Variants in CMPK2 observed in about 807,000 individuals in gnomAD.
CMPK2 encodes cytidine/uridine monophosphate kinase 2, also known as UMP-CMP kinase 2, mitochondrial.
In CMPK2, 32 loss-of-function variants were observed where a neutral mutation model predicts 33.4. That is an observed-to-expected ratio of 0.96 (90% CI 0.72 to 1.29). The LOEUF (loss-of-function observed/expected upper bound fraction) is 1.29. Among genes scored for constraint, CMPK2 ranks in the 50% most tolerant of loss-of-function variants. The pLI is 0.00. For synonymous variants in CMPK2, 299 were observed against 275.3 expected (o/e 1.09, Z -0.85); for missense variants, 672 against 616.0 (o/e 1.09, Z -0.96).
chr2:6,850,073 T>A, intron 4 of CMPK2, 100 bp from the exon 5 acceptor site: 1 of 865,954 alleles, frequency 1.2e-6, no homozygotes, highest in Non-Finnish European at 1.8e-6. Context: ...TGAAGCAAGC[T>A]TCCCATGTCA....
Position 6,849,777 on chromosome 2 carries a change from G to T in CMPK2, c.*73C>A. On this transcript the variant is annotated 3_prime_UTR_variant, in exon 5 of 5. Transcript: ENST00000256722. ...TGTAGAACAGAAATTTGGGAACACTGCATAACAAATGGTGGATGTAGATGT... is the reference window on the plus strand; with the variant it reads ...TGTAGAACAGAAATTTGGGAACACTTCATAACAAATGGTGGATGTAGATGT... The T allele has an allele frequency of 6.3e-7, 1 of 1,599,834 alleles. No homozygotes were observed. The highest frequency in any genetic ancestry group is 8.5e-7 in the Non-Finnish European group (1 of 1,175,946).
Position 6,848,877 on chromosome 2 carries a change from C to A in CMPK2, c.*973G>T. On this transcript the variant is annotated 3_prime_UTR_variant, in exon 5 of 5. Transcript: ENST00000256722. ...AGTGCAAGATAATTTACCAAGAAAT[C>A]CCACTCCAAGATCCACTGTACTTAT... The A allele has an allele frequency of 1.0e-6, 1 of 985,740 alleles. No homozygotes were observed. Among genetic ancestry groups the A allele is most frequent in the East Asian group, 1.1e-4 (1 of 8,810 alleles). The allele number at this position is 985,740 out of a possible 1,614,324, so 61.1% of individuals were successfully genotyped here.
chr2:6,850,772 CATT>C, intron 4 of CMPK2: 1 of 985,694 alleles, frequency 1.0e-6, no homozygotes, highest in Non-Finnish European at 1.2e-6. Flanking sequence ...ACAGGGCTAT[CATT>C]GTTCAGTTAG....
Position 6,855,542 on chromosome 2 carries a change from TATG to T in CMPK2, c.993-3862_993-3860del, listed in dbSNP as rs1423240987. ...AGAAAGAACTAATACAGATATCACA[TATG>T]ATAACATCGGGCATGTTAACAATAG... On this transcript the variant is annotated intron_variant, in intron 3 of 4. Transcript: ENST00000256722. 2.6e-5 allele frequency among the ~76,000 whole-genome samples: 4 copies of T among 152,180 alleles called. No homozygotes were observed. In the South Asian group the frequency reaches 8.3e-4, roughly 31 times the overall value.
chr2:6,842,666 A>C (rs1662261623), intron 3 of CMPK2, among the ~76,000 whole-genome samples: 1 of 152,172 alleles, frequency 6.6e-6, no homozygotes, highest in South Asian at 2.1e-4. Context: ...TAGCTGTTTA[A>C]ATGCCTTCTG....
At position 6,861,378 on chromosome 2, in the gene CMPK2, G is replaced by T. The variant is rs1662877984; in HGVS notation, c.798C>A (p.Thr266=). 4.3e-6 allele frequency: 7 copies of T among 1,613,668 alleles called. No homozygotes were observed. Among genetic ancestry groups the T allele is most frequent in the Non-Finnish European group, 5.9e-6 (7 of 1,179,794 alleles). The change falls in exon 3 of 5, where the codon ACC becomes ACA. Residue 266 remains threonine, a synonymous_variant. Transcript: ENST00000256722. The part of the protein sequence containing the change: ...AIEGLDATGK[T]TVTQSVADSL... ...AATCTGCCACTGACTGGGTCACCGTGGTTTTACCTGCAGGTCATACACAAA... is the reference window on the plus strand; with the variant it reads ...AATCTGCCACTGACTGGGTCACCGTTGTTTTACCTGCAGGTCATACACAAA...
intron 3 of CMPK2, among the ~76,000 whole-genome samples, chr2:6,852,168 G>T (rs1422252100): frequency 1.3e-5 from 2 of 152,186 alleles, no homozygotes; most frequent in Non-Finnish European, 2.9e-5. Context: ...AAGCCTCTTT[G>T]TTTCTCCCAA....
Position 6,865,665 on chromosome 2 carries a change from G to A in CMPK2, c.32C>T (p.Pro11Leu), listed in dbSNP as rs939597499. 1 of 1,311,696 alleles carries A rather than the reference G, an allele frequency of 7.6e-7. No homozygotes were observed. The highest frequency in any genetic ancestry group is 9.6e-7 in the Non-Finnish European group (1 of 1,038,460). 81.3% of individuals were successfully genotyped at this position (1,311,696 alleles called of 1,614,324 possible). The change falls in exon 1 of 5, where the codon CCA (proline) becomes CTA (leucine). Residue 11 changes from proline (P) to leucine (L), a missense_variant. Physicochemically the swap from Pro to Leu is moderately conservative, Grantham distance 98. Transcript: ENST00000256722. ...CCGCCCGAGCAGCGGCCCCGACAGT[G>A]GCCCGCGCAGGAGCCGGCGGGCGAA... MAFARRLLRG[P>L]LSGPLLGRRG...
intron 3 of CMPK2, among the ~76,000 whole-genome samples, chr2:6,855,949 T>C (rs1662693380): frequency 6.6e-6 from 1 of 152,182 alleles, no homozygotes; most frequent in Non-Finnish European, 1.5e-5. Flanking sequence ...AGTGACCAGC[T>C]TACCCACCAG....
At chr2:6,844,434 C>T (rs1207818131), downstream of CMPK2, among the ~76,000 whole-genome samples, 2 of 152,216 alleles carry the variant, frequency 1.3e-5, no homozygotes, top group Non-Finnish European at 2.9e-5. Flanking sequence ...TCACTAATGC[C>T]TCTCTCAGCC....
At chr2:6,866,463 C>G (rs975596535), upstream of CMPK2, 1 of 985,702 alleles carries the variant, frequency 1.0e-6, no homozygotes, top group Non-Finnish European at 1.2e-6. Flanking sequence ...GAATTGCCCT[C>G]TCCCTTTTGC....
intron 2 of CMPK2, among the ~76,000 whole-genome samples, chr2:6,863,106 CT>C (rs1307273263): frequency 6.6e-6 from 1 of 152,206 alleles, no homozygotes; most frequent in African/African-American, 2.4e-5. Flanking sequence ...GCTATTTCTT[CT>C]GTCTGGAGGA....
chr2:6,860,704 A>G (rs1045129019), intron 3 of CMPK2, among the ~76,000 whole-genome samples: 3 of 152,214 alleles, frequency 2.0e-5, no homozygotes, highest in African/African-American at 7.2e-5. Context: ...AAAATGGACT[A>G]ATACACTGGT....
rs566639711 is a variant in CMPK2, at chr2:6,865,015, C to A, written c.675+7G>T. ...CGCTGGGAGCTGGAAGCGGACAGAA[C>A]TCTTACCTCCTCCAAAACGGCCCGG... On this transcript the variant is annotated splice_region_variant and intron_variant, in intron 1 of 4. Transcript: ENST00000256722. 19 of 1,418,978 alleles carry A rather than the reference C, an allele frequency of 1.3e-5. No homozygotes were observed. In the African/African-American group the frequency reaches 1.5e-4, roughly 11 times the overall value. The allele number at this position is 1,418,978 out of a possible 1,614,324, so 87.9% of individuals were successfully genotyped here.
chr2:6,850,637 C>G lies in CMPK2; in HGVS notation c.1227-664G>C, dbSNP rs1230179622. ...AGTTTCCTGTTCTGCAAAATGAAGA[C>G]TGAAACCGTACCTTCCTTGCAAATG... On this transcript the variant is annotated intron_variant, in intron 4 of 4. Coordinates refer to ENST00000256722, the MANE Select transcript of CMPK2 (RefSeq NM_207315.4). The G allele has an allele frequency of 2.0e-5, 12 of 607,452 alleles. No homozygotes were observed. The South Asian group carries it at 8.7e-4, about 44-fold the overall frequency. 37.6% of individuals were successfully genotyped at this position (607,452 alleles called of 1,614,324 possible). A position where few individuals can be genotyped will look rare whatever the true frequency, so the allele number is the denominator to read the frequency against.
chr2:6,865,754 C>T lies in CMPK2; in HGVS notation c.-58G>A. 10 of 1,274,214 alleles carry T rather than the reference C, an allele frequency of 7.8e-6. No individual in the cohort carries two copies. Among genetic ancestry groups the T allele is most frequent in the Non-Finnish European group, 9.9e-6 (10 of 1,010,924 alleles). 78.9% of individuals were successfully genotyped at this position (1,274,214 alleles called of 1,614,324 possible). ...CTCGGAAACGAAACCTGGCGGGAGC[C>T]AGGCGCCGGCGGGAAACGAAACCCG... On this transcript the variant is annotated 5_prime_UTR_variant, in exon 1 of 5. Coordinates refer to ENST00000256722, the MANE Select transcript of CMPK2 (RefSeq NM_207315.4).
Position 6,865,394 on chromosome 2 carries a change from C to G in CMPK2, c.303G>C (p.Gln101His). The change falls in exon 1 of 5, where the codon CAG becomes CAC. Residue 101 changes from glutamine (Q) to histidine (H), a missense_variant. Transcript: ENST00000256722. ...ACCGCTGGAAGGGGCCGCGGCGCAG[C>G]TGGTGCAGCAGGCGCTGGTGCAGCC... Reference protein sequence around the residue: ...AARLHQRLLHQLRRGPFQRCQ... With the variant: ...AARLHQRLLHHLRRGPFQRCQ... The G allele has an allele frequency of 1.5e-6, 2 of 1,366,358 alleles. No individual in the cohort carries two copies. Among genetic ancestry groups the G allele is most frequent in the South Asian group, 1.8e-5 (1 of 56,710 alleles). 84.6% of individuals were successfully genotyped at this position (1,366,358 alleles called of 1,614,324 possible).
chr2:6,847,005 T>C (rs991137920), downstream of CMPK2, among the ~76,000 whole-genome samples: 11 of 152,100 alleles, frequency 7.2e-5, no homozygotes, highest in African/African-American at 2.7e-4. Flanking sequence ...AAGGGTGAAG[T>C]TGGAGTGAAA....
In CMPK2 at chr2:6,848,752, C is replaced by A. The variant is rs1255641525; in HGVS notation, c.*1098G>T. The A allele has an allele frequency of 1.0e-6, 1 of 985,682 alleles. No homozygotes were observed. Among genetic ancestry groups the A allele is most frequent in the African/African-American group, 1.7e-5 (1 of 57,228 alleles). The allele number at this position is 985,682 out of a possible 1,614,324, so 61.1% of individuals were successfully genotyped here. A position where few individuals can be genotyped will look rare whatever the true frequency, so the allele number is the denominator to read the frequency against. Reference sequence around the variant, plus strand: ...AGGTAATCACCTGGTTCAACCTACTCCCTAAAGTCACACAGCTCTATAATT... The same window carrying A: ...AGGTAATCACCTGGTTCAACCTACTACCTAAAGTCACACAGCTCTATAATT... On this transcript the variant is annotated 3_prime_UTR_variant, in exon 5 of 5. Transcript: ENST00000256722.
Sources: allele counts gnomAD v4.1 joint callset (sites outside exome capture counted in the v4.1 genomes callset), GRCh38; gene constraint gnomAD v4.1.1; transcripts MANE v1.5; gene names NCBI Gene and HGNC (gene_info 2026-07-23, HGNC 2026-07-21).